Variants in CDK5RAP2 observed in about 807,000 individuals in gnomAD.
CDK5RAP2 encodes CDK5 regulatory subunit-associated protein 2.
CDK5RAP2 carries 147 observed loss-of-function variants against 232.9 expected under a neutral mutation model. The observed-to-expected ratio is 0.63, with a 90% confidence interval of 0.55 to 0.72. CDK5RAP2 has a LOEUF of 0.72. Ranked by LOEUF, CDK5RAP2 falls within the 30% of genes least tolerant of loss-of-function variation. The probability of loss-of-function intolerance (pLI) is 0.00; values close to 1 mark genes in which losing one functional copy is unlikely to be tolerated. For missense variants in CDK5RAP2, 2,195 were observed against 2,231.5 expected, an observed-to-expected ratio of 0.98 and a Z score of 0.33; for synonymous variants, 833 against 833.7, an observed-to-expected ratio of 1.00 and a Z score of 0.01.
chr9:120,475,135 T>C (rs1266724910), intron 15 of CDK5RAP2, among the ~76,000 whole-genome samples: 3 of 152,154 alleles, frequency 2.0e-5, no homozygotes, highest in Admixed American at 1.3e-4. Flanking sequence ...TCTAAGTAGG[T>C]AGGTAAGTAG....
At chr9:120,419,595 C>T (rs771055358) in intron 27 of CDK5RAP2, among the ~76,000 whole-genome samples, 193 bp downstream of exon 27, 1 of 152,182 alleles carries the variant, frequency 6.6e-6, no homozygotes. Context: ...TTTCCCCAAT[C>T]GCCAACACTT....
At chr9:120,518,210 T>TGTGTGTGAGAGAGA (rs1554770753) in intron 12 of CDK5RAP2, among the ~76,000 whole-genome samples, 4 of 43,932 alleles carry the variant, frequency 9.1e-5, no homozygotes, top group African/African-American at 3.3e-4. Flanking sequence ...TGTGTGTGTG[T>TGTGTGTGAGAGAGA]GAGAGAGAGA....
chr9:120,494,908 G>C (rs1431715695), intron 12 of CDK5RAP2, among the ~76,000 whole-genome samples: 77 of 143,520 alleles, frequency 5.4e-4, no homozygotes, highest in African/African-American at 1.9e-3. Flanking sequence ...TCGCGGCGCT[G>C]ACGCCCGCGG....
At chr9:120,425,526 A>T (rs930061813) in intron 25 of CDK5RAP2, among the ~76,000 whole-genome samples, 10 of 152,236 alleles carry the variant, frequency 6.6e-5, no homozygotes, top group Admixed American at 6.5e-4. Flanking sequence ...ACATCTAGTT[A>T]TCCCATCCAT....
intron 18 of CDK5RAP2, among the ~76,000 whole-genome samples, chr9:120,465,769 T>G (rs1213938503): frequency 6.6e-6 from 1 of 150,794 alleles, no homozygotes; most frequent in East Asian, 1.9e-4. Context: ...ATTAGGAAAT[T>G]AAAAATGGCA....
chr9:120,421,372 T>C (rs1484268291), intron 26 of CDK5RAP2, among the ~76,000 whole-genome samples: 4 of 152,160 alleles, frequency 2.6e-5, no homozygotes, highest in African/African-American at 7.2e-5. Flanking sequence ...AAGTGGAGGA[T>C]TGAATTGGGA....
chr9:120,437,372 C>G lies in CDK5RAP2; in HGVS notation c.3878G>C (p.Cys1293Ser), dbSNP rs192845751. ...ELLQASDVDY[C>S]VAEGFQEQLN... is the part of the protein sequence containing the mutation. ...CTGTTCCTGGAAACCCTCGGCCACA[C>G]AGTAATCCACATCACTGGCCTGCAG... Residue 1293 changes from cysteine to serine, a missense_variant, in exon 25 of 38, where the codon TGT becomes TCT. Transcript: ENST00000349780. 6.2e-7 allele frequency: 1 copy of G among 1,614,160 alleles called. No homozygotes were observed. The highest frequency in any genetic ancestry group is 8.5e-7 in the Non-Finnish European group (1 of 1,180,010).
At chr9:120,411,265 T>A in intron 29 of CDK5RAP2, 93 bp downstream of exon 29, 1 of 804,954 alleles carries the variant, frequency 1.2e-6, no homozygotes, top group East Asian at 2.4e-5. Flanking sequence ...ACAGGATTCA[T>A]ACTTAGGTTG....
chr9:120,542,049 C>G (rs2041654152), intron 5 of CDK5RAP2, among the ~76,000 whole-genome samples: 2 of 152,194 alleles, frequency 1.3e-5, no homozygotes, highest in Admixed American at 6.5e-5. Flanking sequence ...CAGGAAAAAG[C>G]AGGGGATTTT....
chr9:120,429,201 G>C (rs2131421787), intron 25 of CDK5RAP2, among the ~76,000 whole-genome samples: 1 of 150,230 alleles, frequency 6.7e-6, no homozygotes, highest in East Asian at 2.0e-4. Context: ...ACTGGCACAA[G>C]ACAGGGATGC....
At chr9:120,443,487 CATGTGTTAGACTGGAATGATA>C (rs2036012877) in intron 23 of CDK5RAP2, 112 bp downstream of exon 23, 1 of 1,067,544 alleles carries the variant, frequency 9.4e-7, no homozygotes, top group Non-Finnish European at 1.4e-6. Flanking sequence ...CTCAGCTTCC[CATGTGTTAGACTGGAATGATA>C]ATAATGCCCT....
intron 17 of CDK5RAP2, 30 bp downstream of exon 17, chr9:120,470,081 G>C: frequency 9.0e-7 from 1 of 1,106,748 alleles, no homozygotes; most frequent in African/African-American, 1.5e-5. Flanking sequence ...AAAAAGAAAA[G>C]AAAAGCACTA....
At chr9:120,424,270 C>T (rs1199326835) in intron 25 of CDK5RAP2, among the ~76,000 whole-genome samples, 1 of 152,204 alleles carries the variant, frequency 6.6e-6, no homozygotes, top group Non-Finnish European at 1.5e-5. Flanking sequence ...AATCACAAAC[C>T]TATGCCTCTT....
chr9:120,523,542 C>A (rs546502925), intron 11 of CDK5RAP2, among the ~76,000 whole-genome samples: 15 of 152,170 alleles, frequency 9.9e-5, no homozygotes, highest in Non-Finnish European at 1.8e-4. Context: ...ATGTTCCTAG[C>A]GTACCATGAT....
rs1159803903 is a variant in CDK5RAP2 at position 120,488,380 on chromosome 9, C to T, written c.1483-943G>A. Among the ~76,000 whole-genome samples, 3 of 152,116 alleles carry T rather than the reference C, an allele frequency of 2.0e-5. No homozygotes were observed. In the East Asian group the frequency reaches 5.8e-4, roughly 29 times the overall value. ...ACAATACAGTTGTGCTTAAATTACA[C>T]TATTCATTTTCATTTTTCTAAAGTC... On this transcript the variant is annotated intron_variant, in intron 13 of 37. Transcript: ENST00000349780.
chr9:120,518,757 A>T, intron 11 of CDK5RAP2, 112 bp from the exon 12 acceptor site: 1 of 776,390 alleles, frequency 1.3e-6, no homozygotes, highest in South Asian at 1.6e-5. Context: ...GAAAAAGATT[A>T]ACATAGACAA....
chr9:120,533,235 G>A (rs560753381), intron 7 of CDK5RAP2, among the ~76,000 whole-genome samples: 6 of 152,094 alleles, frequency 3.9e-5, no homozygotes, highest in South Asian at 2.1e-4. Context: ...GCAGGACAAC[G>A]TTCAGCCCTG....
intron 35 of CDK5RAP2, among the ~76,000 whole-genome samples, chr9:120,398,958 C>G (rs775203445): frequency 1.3e-5 from 2 of 152,216 alleles, no homozygotes; most frequent in Non-Finnish European, 2.9e-5. Context: ...AGCAAAGGCA[C>G]TGTATGAAAC....
intron 3 of CDK5RAP2, among the ~76,000 whole-genome samples, chr9:120,554,963 C>G (rs181425968): frequency 9.8e-4 from 149 of 152,002 alleles, no homozygotes; most frequent in African/African-American, 3.4e-3. Context: ...AGTCAAGTGA[C>G]TAAAATGTTT....
Sources: allele counts gnomAD v4.1 joint callset (sites outside exome capture counted in the v4.1 genomes callset), GRCh38; gene constraint gnomAD v4.1.1; transcripts MANE v1.5; gene names NCBI Gene and HGNC (gene_info 2026-07-23, HGNC 2026-07-21).